CADM2: variants seen among roughly 807,000 people sequenced by gnomAD.
CADM2 encodes the protein immunoglobulin superfamily member 4D.
Under a neutral mutation model 49.8 loss-of-function variants are expected in CADM2, and 12 were observed. The ratio of observed to expected loss-of-function variants is 0.24; its 90% CI spans 0.15 to 0.39. The LOEUF is 0.39. CADM2 is among the 10% of genes least tolerant of loss of function. CADM2 has a pLI of 1.00. For missense variants in CADM2, 378 were observed against 492.3 expected, an observed-to-expected ratio of 0.77 and a Z score of 2.20; for synonymous variants, 214 against 175.4, an observed-to-expected ratio of 1.22 and a Z score of -1.74.
chr3:85,063,267 G>T (rs1339247038), intron 1 of CADM2, among the ~76,000 whole-genome samples: 3 of 151,746 alleles, frequency 2.0e-5, no homozygotes, highest in Non-Finnish European at 4.4e-5. Flanking sequence ...TAATTAAATG[G>T]AATCTTTTTA....
intron 1 of CADM2, among the ~76,000 whole-genome samples, chr3:85,036,191 T>A (rs1399355559): frequency 1.3e-5 from 2 of 152,180 alleles, no homozygotes; most frequent in Non-Finnish European, 1.5e-5. Context: ...ATTCTGAGTA[T>A]TTCCTTCTGT....
chr3:85,668,475 T>G (rs2107627456), intron 1 of CADM2, among the ~76,000 whole-genome samples: 1 of 152,168 alleles, frequency 6.6e-6, no homozygotes, highest in African/African-American at 2.4e-5. Flanking sequence ...AATTGTAACT[T>G]CCAAAATTCC....
At chr3:84,984,356 TAAAAAAAAAAAAAAA>T (rs375702349) in intron 1 of CADM2, among the ~76,000 whole-genome samples, 1,493 of 67,152 alleles carry the variant, frequency 0.022, 91 homozygotes, top group African/African-American at 0.11. Context: ...AAGATTAAGC[TAAAAAAAAAAAAAAA>T]AAAAAAAAAA....
chr3:85,558,791 A>C (rs2062021398), intron 1 of CADM2, among the ~76,000 whole-genome samples: 1 of 152,092 alleles, frequency 6.6e-6, no homozygotes, highest in Non-Finnish European at 1.5e-5. Flanking sequence ...CCCCATCCAT[A>C]TGTTTAAAGC....
chr3:84,963,561 T>C, intron 1 of CADM2, among the ~76,000 whole-genome samples: 1 of 152,252 alleles, frequency 6.6e-6, no homozygotes, highest in Middle Eastern at 3.4e-3. Context: ...CTTTAGGTTT[T>C]TTTGTTTGTT....
intron 1 of CADM2, among the ~76,000 whole-genome samples, chr3:85,092,280 T>C (rs1422563423): frequency 6.6e-6 from 1 of 152,192 alleles, no homozygotes; most frequent in Non-Finnish European, 1.5e-5. Flanking sequence ...CCACAATACA[T>C]TTTCAGAAAG....
intron 1 of CADM2, among the ~76,000 whole-genome samples, chr3:84,992,166 TGAG>T (rs2032928339): frequency 6.6e-6 from 1 of 152,046 alleles, no homozygotes; most frequent in Non-Finnish European, 1.5e-5. Context: ...AGGATGATAA[TGAG>T]GAGGCTACCT....
At chr3:85,871,743 A>G (rs1373641942) in intron 3 of CADM2, among the ~76,000 whole-genome samples, 1 of 152,094 alleles carries the variant, frequency 6.6e-6, no homozygotes, top group Non-Finnish European at 1.5e-5. Flanking sequence ...TTTTTCCTCT[A>G]TGTGATGATG....
At chr3:85,033,730 T>G (rs2035087448) in intron 1 of CADM2, among the ~76,000 whole-genome samples, 1 of 152,174 alleles carries the variant, frequency 6.6e-6, no homozygotes. Context: ...CAATTAAAAG[T>G]TTCTGAATAT....
At chr3:84,968,476 G>A (rs575741981) in intron 1 of CADM2, among the ~76,000 whole-genome samples, 2 of 152,042 alleles carry the variant, frequency 1.3e-5, no homozygotes, top group Non-Finnish European at 2.9e-5. Flanking sequence ...GTATTAATGT[G>A]TAGGTGGTAT....
chr3:85,471,577 G>A (rs1250036383), intron 1 of CADM2, among the ~76,000 whole-genome samples: 1 of 151,936 alleles, frequency 6.6e-6, no homozygotes, highest in African/African-American at 2.4e-5. Context: ...TTTTTAGTTA[G>A]ATTTTCCTAA....
chr3:85,544,502 G>A (rs1419914854), intron 1 of CADM2, among the ~76,000 whole-genome samples: 1 of 152,086 alleles, frequency 6.6e-6, no homozygotes, highest in Non-Finnish European at 1.5e-5. Context: ...GCGTGAACCC[G>A]GGAGGCGGAG....
At chr3:85,939,468 A>AACACACACACACAC (rs373804679) in intron 7 of CADM2, among the ~76,000 whole-genome samples, 30,206 of 136,584 alleles carry the variant, frequency 0.22, 3,921 homozygotes, top group Admixed American at 0.33. Flanking sequence ...AGTAAACGAA[A>AACACACACACACAC]ACACACACAC....
chr3:85,882,005 C>T (rs916796818), intron 3 of CADM2, among the ~76,000 whole-genome samples: 10 of 152,172 alleles, frequency 6.6e-5, no homozygotes, highest in African/African-American at 2.4e-4. Flanking sequence ...TGTTGGCTGG[C>T]TCATGGCTCA....
intron 1 of CADM2, among the ~76,000 whole-genome samples, chr3:85,397,091 G>GA (rs1200641704): frequency 1.8e-4 from 27 of 151,978 alleles, no homozygotes; most frequent in African/African-American, 6.3e-4. Flanking sequence ...TCAAAAATGG[G>GA]AAAAAGACTT....
chr3:85,871,718 A>G (rs2075938314), intron 3 of CADM2, among the ~76,000 whole-genome samples: 1 of 152,158 alleles, frequency 6.6e-6, no homozygotes, highest in African/African-American at 2.4e-5. Context: ...CATCATCATC[A>G]TCATCATCAT....
At chr3:85,758,095 T>C (rs1308675387) in intron 2 of CADM2, among the ~76,000 whole-genome samples, 1 of 152,120 alleles carries the variant, frequency 6.6e-6, no homozygotes, top group Non-Finnish European at 1.5e-5. Flanking sequence ...AAAACAATAA[T>C]GGACAGGGAT....
At chr3:85,854,515 AAACT>A (rs1473069705) in intron 3 of CADM2, among the ~76,000 whole-genome samples, 1 of 152,192 alleles carries the variant, frequency 6.6e-6, no homozygotes, top group Non-Finnish European at 1.5e-5. Context: ...AATTCTCAGC[AAACT>A]AACAGAGGAG....
intron 1 of CADM2, among the ~76,000 whole-genome samples, chr3:85,433,394 G>C (rs1476936533): frequency 6.6e-6 from 1 of 151,926 alleles, no homozygotes; most frequent in East Asian, 1.9e-4. Context: ...TTTCAAATAG[G>C]CTGCTAAAAT....
Sources: allele counts gnomAD v4.1 joint callset (sites outside exome capture counted in the v4.1 genomes callset), GRCh38; gene constraint gnomAD v4.1.1; transcripts MANE v1.5; gene names NCBI Gene and HGNC (gene_info 2026-07-23, HGNC 2026-07-21).